Variants in PARVB observed in about 807,000 individuals in gnomAD.
PARVB encodes the protein parvin beta, also known as beta-parvin.
Under a neutral mutation model 47.0 loss-of-function variants are expected in PARVB, and 46 were observed. That is an observed-to-expected ratio of 0.98 (90% CI 0.77 to 1.25). The LOEUF (loss-of-function observed/expected upper bound fraction) is 1.25, where lower values mean the gene tolerates loss of function less well. Ranked by LOEUF, PARVB falls within the 50% of genes most tolerant of loss-of-function variation. PARVB has a pLI of 0.00. For synonymous variants in PARVB, 196 were observed against 196.3 expected, an observed-to-expected ratio of 1.00 and a Z score of 0.01; for missense variants, 473 against 471.6, an observed-to-expected ratio of 1.00 and a Z score of -0.03.
At chr22:44,042,684 C>G (rs1161885329) in intron 1 of PARVB, among the ~76,000 whole-genome samples, 1 of 152,174 alleles carries the variant, frequency 6.6e-6, no homozygotes, top group Non-Finnish European at 1.5e-5. Flanking sequence ...TTTGTTGGAG[C>G]AGCGCAGGGA....
At position 44,147,843 on chromosome 22, in the gene PARVB, C is replaced by T; in HGVS notation, c.713-18C>T. 2.5e-6 allele frequency: 4 copies of T among 1,612,964 alleles called. No individual in the cohort carries two copies. The highest frequency in any genetic ancestry group is 3.4e-6 in the Non-Finnish European group (4 of 1,178,972). Reference sequence around the variant, plus strand: ...TTTCCATAAACGCTCCTTCGTGTCTCTCTTTGCATGTCCTCAGAGCGGGAT... The same window carrying T: ...TTTCCATAAACGCTCCTTCGTGTCTTTCTTTGCATGTCCTCAGAGCGGGAT... On this transcript the variant is annotated intron_variant, in intron 8 of 12. Transcript: ENST00000338758.
At chr22:44,048,565 A>T (rs1041666906) in intron 1 of PARVB, among the ~76,000 whole-genome samples, 1 of 150,562 alleles carries the variant, frequency 6.6e-6, no homozygotes, top group Non-Finnish European at 1.5e-5. Context: ...TTTTATTTTT[A>T]TTTATTTATT....
chr22:44,106,497 C>T (rs879909445), intron 3 of PARVB: 2 of 152,106 alleles, frequency 1.3e-5, no homozygotes, highest in Admixed American at 6.5e-5. Flanking sequence ...AAGCACAGAC[C>T]GTATGCAGGC....
chr22:44,047,645 A>C (rs539432155), intron 1 of PARVB, among the ~76,000 whole-genome samples: 1 of 152,286 alleles, frequency 6.6e-6, no homozygotes, highest in East Asian at 1.9e-4. Flanking sequence ...TGGGCAACTG[A>C]GCCAGACTCC....
chr22:44,170,549 G>A lies in PARVB; in HGVS notation c.*1871G>A, dbSNP rs749639118. 1 of 152,124 alleles carries A rather than the reference G, an allele frequency of 6.6e-6. No homozygotes were observed. Among genetic ancestry groups the A allele is most frequent in the Admixed American group, 6.5e-5 (1 of 15,286 alleles). The allele number at this position is 152,124 out of a possible 1,614,324, so 9.4% of individuals were successfully genotyped here. ...TCTCCCTTAGAGTATCCTATAAAAG[G>A]AGTCGCTGCTCACTCAGTTATGGGT... On this transcript the variant is annotated 3_prime_UTR_variant, in exon 13 of 13. Transcript: ENST00000338758.
intron 1 of PARVB, among the ~76,000 whole-genome samples, chr22:44,076,503 CA>C (rs2051777106): frequency 6.6e-6 from 1 of 152,232 alleles, no homozygotes; most frequent in African/African-American, 2.4e-5. Context: ...ATACAGAGCC[CA>C]GCCTCAACAT....
Position 44,049,866 on chromosome 22 carries a change from G to GC in PARVB, c.112+25417dup, listed in dbSNP as rs1569076216. ...CAAAGCCGTCCCGGCCTTGGCCTCAGCCTCTGTGTGGCTCTGGTGGGGAGT... is the reference window on the plus strand; with the variant it reads ...CAAAGCCGTCCCGGCCTTGGCCTCAGCCCTCTGTGTGGCTCTGGTGGGGAGT... On this transcript the variant is annotated intron_variant, in intron 1 of 12. Coordinates refer to ENST00000338758, the MANE Select transcript of PARVB (RefSeq NM_013327.5). This position sits in a 1 kb window ranked among gnomAD's most constrained non-coding sequence, Gnocchi z 4.0. 6.6e-6 allele frequency among the ~76,000 whole-genome samples: 1 copy of GC among 152,256 alleles called. No individual in the cohort carries two copies. The highest frequency in any genetic ancestry group is 1.5e-5 in the Non-Finnish European group (1 of 68,048).
rs148755530 is a variant in PARVB, at chr22:44,076,914, G to T, written c.113-17014G>T. Among the ~76,000 whole-genome samples the T allele has an allele frequency of 2.6e-3, 403 of 152,270 alleles. 2 individuals are homozygous for T. The highest frequency in any genetic ancestry group is 5.4e-3 in the South Asian group (26 of 4,820). The stretch of plus-strand genomic sequence containing the variant: ...GCTGAGGTGTGCGCCGGAATGTTGG[G>T]CACATCCTGTCTGATACCAGCTTGG... On this transcript the variant is annotated intron_variant, in intron 1 of 12. Coordinates refer to ENST00000338758, the MANE Select transcript of PARVB (RefSeq NM_013327.5).
At chr22:44,061,431 A>AAAAACAAAAC (rs137915447) in intron 1 of PARVB, among the ~76,000 whole-genome samples, 5,933 of 150,024 alleles carry the variant, frequency 0.04, 153 homozygotes, top group Middle Eastern at 0.078. Context: ...ACTTCATCTC[A>AAAAACAAAAC]AAAACAAAAC....
intron 6 of PARVB, among the ~76,000 whole-genome samples, chr22:44,133,556 T>G (rs1430585776): frequency 6.6e-6 from 1 of 152,250 alleles, no homozygotes; most frequent in Non-Finnish European, 1.5e-5. Context: ...TTTTATGTTT[T>G]GTGAAAGGGT....
intron 3 of PARVB, chr22:44,105,473 T>A (rs1366301593): frequency 6.6e-6 from 1 of 152,324 alleles, no homozygotes; most frequent in Non-Finnish European, 1.5e-5. Flanking sequence ...CTTGGAGACG[T>A]ATTTCCTGCC....
rs562451382 is a variant in PARVB at position 44,119,334 on chromosome 22, A to G, written c.376+194A>G. The stretch of plus-strand genomic sequence containing the variant: ...GGTCCTCTCTCCCCTTGCCGTTTCT[A>G]CAGAGCACCCAGCCATGGGGCAGCA... On this transcript the variant is annotated intron_variant, in intron 4 of 12. Coordinates refer to ENST00000338758, the MANE Select transcript of PARVB (RefSeq NM_013327.5). 8.5e-5 allele frequency among the ~76,000 whole-genome samples: 13 copies of G among 152,260 alleles called. No individual in the cohort carries two copies. In the East Asian group the frequency reaches 2.5e-3, roughly 29 times the overall value.
At chr22:44,013,640 C>CT (rs960324226) in intron 2 of PARVB, among the ~76,000 whole-genome samples, 7 of 151,632 alleles carry the variant, frequency 4.6e-5, no homozygotes, top group Non-Finnish European at 5.9e-5. Context: ...CTACATTGTT[C>CT]TTTTTTTTTC....
chr22:44,084,957 A>G (rs541510920), intron 1 of PARVB, among the ~76,000 whole-genome samples: 2 of 152,354 alleles, frequency 1.3e-5, no homozygotes, highest in Non-Finnish European at 2.9e-5. Flanking sequence ...GTACAAGAAC[A>G]CAGTCTGGTG....
intron 2 of PARVB, among the ~76,000 whole-genome samples, chr22:44,099,703 A>G (rs1040993304): frequency 2.0e-5 from 3 of 152,210 alleles, no homozygotes; most frequent in Admixed American, 6.5e-5. Context: ...TGGTGCCTGA[A>G]GCTTTCCCAC....
At chr22:44,030,799 T>G (rs151247905) in intron 1 of PARVB, among the ~76,000 whole-genome samples, 99 of 152,156 alleles carry the variant, frequency 6.5e-4, no homozygotes, top group African/African-American at 2.3e-3. Flanking sequence ...TTTGGACGAT[T>G]TTTCAGACTT....
intron 10 of PARVB, chr22:44,153,100 T>TA (rs1353911034): frequency 1.3e-5 from 2 of 152,356 alleles, no homozygotes; most frequent in African/African-American, 4.8e-5. Flanking sequence ...TGTATATATT[T>TA]ATTTGTGTAT....
chr22:44,140,437 A>G, intron 8 of PARVB: 1 of 701,136 alleles, frequency 1.4e-6, no homozygotes, highest in South Asian at 1.4e-5. Context: ...TGGAACTGTC[A>G]GGGGCTGGAG....
At chr22:44,030,692 C>T (rs1389868540) in intron 1 of PARVB, among the ~76,000 whole-genome samples, 2 of 152,116 alleles carry the variant, frequency 1.3e-5, no homozygotes, top group African/African-American at 4.8e-5. Flanking sequence ...ACGCTGTTTT[C>T]TAGCGGGCTG....
Sources: allele counts gnomAD v4.1 joint callset (sites outside exome capture counted in the v4.1 genomes callset), GRCh38; gene constraint gnomAD v4.1.1; non-coding constraint Gnocchi (gnomAD v3.1); transcripts MANE v1.5; gene names NCBI Gene and HGNC (gene_info 2026-07-23, HGNC 2026-07-21).